TUBGCP4: variants seen among roughly 807,000 people sequenced by gnomAD.
TUBGCP4 encodes the protein tubulin gamma complex component 4.
TUBGCP4 carries 54 observed loss-of-function variants against 91.6 expected under a neutral mutation model. The ratio of observed to expected loss-of-function variants is 0.59; its 90% CI spans 0.47 to 0.74. TUBGCP4 has a LOEUF of 0.74. Among genes scored for constraint, TUBGCP4 ranks in the 30% least tolerant of loss-of-function variants. The pLI is 0.00. For synonymous variants in TUBGCP4, 297 were observed against 302.8 expected (o/e 0.98, Z 0.20); for missense variants, 593 against 800.9 (o/e 0.74, Z 3.13).
intron 1 of TUBGCP4, among the ~76,000 whole-genome samples, chr15:43,372,570 G>A (rs576921810): frequency 2.8e-4 from 42 of 150,086 alleles, no homozygotes; most frequent in Admixed American, 1.9e-3. Flanking sequence ...AAGTATGTGG[G>A]TGCCTGATGG....
rs78884802 is a variant in TUBGCP4, at chr15:43,372,496, G to A, written c.78+1064G>A. Among the ~76,000 whole-genome samples, 979 of 152,102 alleles carry A rather than the reference G, an allele frequency of 6.4e-3. 9 individuals carry two copies. Among genetic ancestry groups the A allele is most frequent in the African/African-American group, 0.022 (930 of 41,494 alleles). ...CCTGTAGGTCTTTGAAGACTAATTC[G>A]ATGTTTCACTTTTCTCCATAGATCT... On this transcript the variant is annotated intron_variant, in intron 1 of 17. Transcript: ENST00000564079.
intron 14 of TUBGCP4, among the ~76,000 whole-genome samples, chr15:43,400,703 G>C (rs1223546331): frequency 6.6e-6 from 1 of 152,112 alleles, no homozygotes; most frequent in Admixed American, 6.5e-5. Context: ...ATCACTTGAG[G>C]TCAGGAGTTT....
intron 9 of TUBGCP4, among the ~76,000 whole-genome samples, chr15:43,388,160 A>G (rs111971014): frequency 4.8e-4 from 73 of 152,274 alleles, no homozygotes; most frequent in African/African-American, 1.6e-3. Context: ...AGGTACTTCT[A>G]TTTAAGCAAG....
chr15:43,382,529 A>T (rs976974805), intron 6 of TUBGCP4, among the ~76,000 whole-genome samples: 5 of 152,186 alleles, frequency 3.3e-5, no homozygotes, highest in Non-Finnish European at 5.9e-5. Flanking sequence ...TGTCCTGTAT[A>T]ATGTTTCACA....
In TUBGCP4 at chr15:43,409,157, C is replaced by T; in HGVS notation, c.*3943C>T. 1 of 1,505,404 alleles carries T rather than the reference C, an allele frequency of 6.6e-7. No homozygotes were observed. Among genetic ancestry groups the T allele is most frequent in the Non-Finnish European group, 9.2e-7 (1 of 1,086,576 alleles). The allele number at this position is 1,505,404 out of a possible 1,614,324, so 93.3% of individuals were successfully genotyped here. A position where few individuals can be genotyped will look rare whatever the true frequency, so the allele number is the denominator to read the frequency against. On this transcript the variant is annotated 3_prime_UTR_variant, in exon 18 of 18. Coordinates refer to ENST00000564079, the MANE Select transcript of TUBGCP4 (RefSeq NM_014444.5). ...ACTTCTGTGGAAAGCTCCTAAGCAGCAGCCATAATGAGCCATGAAGAGCAG... is the reference window on the plus strand; with the variant it reads ...ACTTCTGTGGAAAGCTCCTAAGCAGTAGCCATAATGAGCCATGAAGAGCAG...
rs1405905682 is a variant in TUBGCP4 at position 43,407,055 on chromosome 15, G to GGAAT, written c.*1844_*1847dup. ...TTAGACACCCTGGAATAACCTTTTG[G>GGAAT]GAATGATGCCACAGAATAAAGTTCA... On this transcript the variant is annotated 3_prime_UTR_variant, in exon 18 of 18. Transcript: ENST00000564079. The GGAAT allele has an allele frequency of 1.5e-5, 4 of 258,288 alleles. No homozygotes were observed. The highest frequency in any genetic ancestry group is 9.3e-5 in the East Asian group (1 of 10,768). The allele number at this position is 258,288 out of a possible 1,614,324, so 16.0% of individuals were successfully genotyped here.
intron 7 of TUBGCP4, among the ~76,000 whole-genome samples, chr15:43,384,760 G>A (rs2044330530): frequency 6.6e-6 from 1 of 152,156 alleles, no homozygotes; most frequent in Admixed American, 6.5e-5. Flanking sequence ...AAGCAAGTGG[G>A]TACCACAGTC....
chr15:43,372,790 CT>C (rs1272908922), intron 1 of TUBGCP4, among the ~76,000 whole-genome samples: 4 of 152,226 alleles, frequency 2.6e-5, no homozygotes, highest in African/African-American at 9.6e-5. Flanking sequence ...GCATCCTCCC[CT>C]GATGCCATTA....
At chr15:43,378,027 A>T (rs747385516) in intron 5 of TUBGCP4, 124 bp downstream of exon 5, 23 of 701,984 alleles carry the variant, frequency 3.3e-5, no homozygotes, top group Non-Finnish European at 5.0e-5. Context: ...CATTCATTTA[A>T]CAATATCTGC....
Position 43,393,026 on chromosome 15 carries a change from C to T in TUBGCP4, c.1015-2081C>T, listed in dbSNP as rs573567512. On this transcript the variant is annotated intron_variant, in intron 9 of 17. Transcript: ENST00000564079. ...TTTCTAGAGTTGATAAAAATGAAAT[C>T]ATACAGTATGCACTCTTTTGGAGGA... is the stretch of plus-strand genomic sequence containing the variant. Among the ~76,000 whole-genome samples the T allele has an allele frequency of 2.0e-5, 3 of 152,288 alleles. No individual in the cohort carries two copies. In the East Asian group the frequency reaches 5.8e-4, roughly 29 times the overall value.
intron 7 of TUBGCP4, 184 bp from the exon 8 acceptor site, chr15:43,385,607 C>T: frequency 1.6e-6 from 1 of 616,796 alleles, no homozygotes; most frequent in Non-Finnish European, 2.8e-6. Flanking sequence ...TCCACCATGC[C>T]ACTCTGCTGC....
In TUBGCP4 at chr15:43,400,041, T is replaced by C; in HGVS notation, c.1419-3T>C. ...CTTGAATATCCTGTTATTTCTGTCC[T>C]AGGTACAATGTTGTTTTTAAGTACT... On this transcript the variant is annotated splice_region_variant and splice_polypyrimidine_tract_variant and intron_variant, in intron 13 of 17. Coordinates refer to ENST00000564079, the MANE Select transcript of TUBGCP4 (RefSeq NM_014444.5). 1.2e-6 allele frequency: 2 copies of C among 1,605,624 alleles called. No homozygotes were observed. The highest frequency in any genetic ancestry group is 1.7e-6 in the Non-Finnish European group (2 of 1,173,302).
At position 43,409,606 on chromosome 15, in the gene TUBGCP4, A is replaced by G; in HGVS notation, c.*4392A>G. 2.6e-6 allele frequency: 3 copies of G among 1,147,158 alleles called. No homozygotes were observed. Among genetic ancestry groups the G allele is most frequent in the Non-Finnish European group, 3.7e-6 (3 of 811,660 alleles). The allele number at this position is 1,147,158 out of a possible 1,614,324, so 71.1% of individuals were successfully genotyped here. Reference sequence around the variant, plus strand: ...TTCTCAACACAGCAAGTTGGCTCTTATCATTGCCACTATATTAGGTTACAC... The same window carrying G: ...TTCTCAACACAGCAAGTTGGCTCTTGTCATTGCCACTATATTAGGTTACAC... On this transcript the variant is annotated 3_prime_UTR_variant, in exon 18 of 18. Transcript: ENST00000564079.
chr15:43,400,107 C>G lies in TUBGCP4; in HGVS notation c.1482C>G (p.Cys494Trp). ...VRRVQAELQH[C>W]WALQMQRKHL... ...GGGTGCAAGCTGAGCTGCAGCACTG[C>G]TGGGCCCTACAAATGCAGCGCAAGC... Residue 494 changes from cysteine to tryptophan, a missense_variant, in exon 14 of 18, where the codon TGC (cysteine) becomes TGG (tryptophan). Coordinates refer to ENST00000564079, the MANE Select transcript of TUBGCP4 (RefSeq NM_014444.5). The G allele has an allele frequency of 6.2e-7, 1 of 1,614,166 alleles. No individual in the cohort carries two copies.
In TUBGCP4 at chr15:43,409,766, T is replaced by G; in HGVS notation, c.*4552T>G. The stretch of plus-strand genomic sequence containing the variant: ...TCTATATTAAAAAAAAAAACCAAGA[T>G]AATAATTACTGAGTGGTTTTCTTAT... On this transcript the variant is annotated 3_prime_UTR_variant, in exon 18 of 18. Transcript: ENST00000564079. 8.4e-7 allele frequency: 1 copy of G among 1,190,130 alleles called. No individual in the cohort carries two copies. The highest frequency in any genetic ancestry group is 1.2e-6 in the Non-Finnish European group (1 of 845,100). The allele number at this position is 1,190,130 out of a possible 1,614,324, so 73.7% of individuals were successfully genotyped here.
rs752341332 is a variant in TUBGCP4 at position 43,408,103 on chromosome 15, G to C, written c.*2889G>C. The C allele has an allele frequency of 6.2e-7, 1 of 1,612,514 alleles. No individual in the cohort carries two copies. The highest frequency in any genetic ancestry group is 8.5e-7 in the Non-Finnish European group (1 of 1,179,270). On this transcript the variant is annotated 3_prime_UTR_variant, in exon 18 of 18. Coordinates refer to ENST00000564079, the MANE Select transcript of TUBGCP4 (RefSeq NM_014444.5). ...CACGGGGTTGCCTATGAAGGAGACA[G>C]GAAAGGACCTTAGCATGACAAGTAA...
At chr15:43,389,001 A>G (rs1250659075) in intron 9 of TUBGCP4, among the ~76,000 whole-genome samples, 4 of 152,208 alleles carry the variant, frequency 2.6e-5, no homozygotes, top group Non-Finnish European at 5.9e-5. Context: ...GGTCAGGACT[A>G]TATTTGCCTT....
chr15:43,398,642 C>T (rs761335830), intron 13 of TUBGCP4, among the ~76,000 whole-genome samples: 13 of 152,102 alleles, frequency 8.5e-5, no homozygotes, highest in Non-Finnish European at 1.8e-4. Flanking sequence ...GTCTTAGGCA[C>T]CATGTCGAGA....
At chr15:43,400,304 A>G in intron 14 of TUBGCP4, 83 bp downstream of exon 14, 1 of 1,116,758 alleles carries the variant, frequency 9.0e-7, no homozygotes, top group East Asian at 2.6e-5. Context: ...AGGGACTACA[A>G]GTTTCTATTT....
Sources: allele counts gnomAD v4.1 joint callset (sites outside exome capture counted in the v4.1 genomes callset), GRCh38; gene constraint gnomAD v4.1.1; transcripts MANE v1.5; gene names NCBI Gene and HGNC (gene_info 2026-07-23, HGNC 2026-07-21).